Variants in EIF3E observed in about 807,000 individuals in gnomAD.
EIF3E encodes eukaryotic translation initiation factor 3 subunit E, also known as eIF-3 p48.
EIF3E carries 25 observed loss-of-function variants against 59.3 expected under a neutral mutation model. The ratio of observed to expected loss-of-function variants is 0.42; its 90% CI spans 0.31 to 0.59. The LOEUF is 0.59. Ranked by LOEUF, EIF3E falls within the 20% of genes least tolerant of loss-of-function variation. EIF3E has a pLI of 0.15. For missense variants in EIF3E, 317 were observed against 534.3 expected (o/e 0.59, Z 4.01); for synonymous variants, 176 against 170.2 (o/e 1.03, Z -0.26).
chr8:108,228,931 C>G, intron 6 of EIF3E, 139 bp downstream of exon 6: 2 of 900,964 alleles, frequency 2.2e-6, no homozygotes, highest in Non-Finnish European at 3.1e-6. Context: ...CACTAATCCA[C>G]TATGATTTTT....
chr8:108,227,893 A>G (rs1815543872), intron 7 of EIF3E: 1 of 158,630 alleles, frequency 6.3e-6, no homozygotes, highest in Non-Finnish European at 1.4e-5. Context: ...AGATGCACGT[A>G]TTCCTTTCAA....
At chr8:108,243,692 AGTG>A (rs1248459792) in intron 1 of EIF3E, among the ~76,000 whole-genome samples, 1 of 150,168 alleles carries the variant, frequency 6.7e-6, no homozygotes, top group Non-Finnish European at 1.5e-5. Flanking sequence ...TATTAATCTG[AGTG>A]GTGGTCACAT....
chr8:108,214,677 C>G lies in EIF3E; in HGVS notation c.991G>C (p.Asp331His). Reference sequence around the variant, plus strand: ...AAGAGACGGGCATTTTCAATGAAATCCTCAAGACAAGCCACCAAGAAGAAG... The same window carrying G: ...AAGAGACGGGCATTTTCAATGAAATGCTCAAGACAAGCCACCAAGAAGAAG... ...NDFFLVACLEDFIENARLFIF... is the reference protein window; with the variant it reads ...NDFFLVACLEHFIENARLFIF... The change falls in exon 10 of 13, where the codon GAT becomes CAT. Residue 331 changes from aspartate to histidine, a missense_variant. Physicochemically the swap from Asp to His is moderately conservative, Grantham distance 81. Coordinates refer to ENST00000220849, the MANE Select transcript of EIF3E (RefSeq NM_001568.3). The G allele has an allele frequency of 6.2e-7, 1 of 1,611,256 alleles. No homozygotes were observed.
intron 10 of EIF3E, among the ~76,000 whole-genome samples, chr8:108,206,889 T>A (rs1472136457): frequency 6.6e-6 from 1 of 152,198 alleles, no homozygotes; most frequent in African/African-American, 2.4e-5. Context: ...ATTCTAAGAC[T>A]CATTCCAACA....
chr8:108,223,002 T>G (rs1445655754), intron 7 of EIF3E, among the ~76,000 whole-genome samples: 1 of 152,120 alleles, frequency 6.6e-6, no homozygotes, highest in African/African-American at 2.4e-5. Context: ...ACACAGAAAA[T>G]TTAATAATCA....
chr8:108,223,650 T>C (rs978337199), intron 7 of EIF3E, among the ~76,000 whole-genome samples: 1 of 152,204 alleles, frequency 6.6e-6, no homozygotes, highest in African/African-American at 2.4e-5. Flanking sequence ...GGATTCTTTT[T>C]CCTAACAGCA....
intron 10 of EIF3E, among the ~76,000 whole-genome samples, chr8:108,204,738 TATATATATAG>T (rs1388985013): frequency 9.9e-6 from 1 of 101,382 alleles, no homozygotes; most frequent in Non-Finnish European, 2.0e-5. Flanking sequence ...TATGTATATA[TATATATATAG>T]AGAGAGAGAG....
At chr8:108,244,130 A>T (rs1336908837) in intron 1 of EIF3E, among the ~76,000 whole-genome samples, 1 of 152,240 alleles carries the variant, frequency 6.6e-6, no homozygotes, top group Admixed American at 6.5e-5. Flanking sequence ...TTTTTTAAAA[A>T]TTTTGAAACA....
intron 9 of EIF3E, among the ~76,000 whole-genome samples, chr8:108,215,567 G>A (rs1354575084): frequency 1.3e-5 from 2 of 152,068 alleles, no homozygotes; most frequent in African/African-American, 4.8e-5. Context: ...GCAGTGAGCC[G>A]GGATCATGCC....
Position 108,201,599 on chromosome 8 carries a change from CA to C in EIF3E, c.*285del. The C allele has an allele frequency of 4.4e-6, 1 of 226,136 alleles. No individual in the cohort carries two copies. The highest frequency in any genetic ancestry group is 8.7e-6 in the Non-Finnish European group (1 of 115,286). The allele number at this position is 226,136 out of a possible 1,614,324, so 14.0% of individuals were successfully genotyped here. On this transcript the variant is annotated 3_prime_UTR_variant, in exon 13 of 13. Transcript: ENST00000220849. ...GTTTTGATACTGTACCATAGTAAGA[CA>C]AAGTGAAAAAATTGAGGGAAACAGG...
Position 108,235,111 on chromosome 8 carries a change from A to C in EIF3E, c.367-9T>G, listed in dbSNP as rs769861535. On this transcript the variant is annotated splice_polypyrimidine_tract_variant and intron_variant, in intron 4 of 12. Coordinates refer to ENST00000220849, the MANE Select transcript of EIF3E (RefSeq NM_001568.3). Reference sequence around the variant, plus strand: ...AAATATTCCTGCCTAAACTAAAAAGAAAAAAAAAAGATTAAGTTCTCTTTA... The same window carrying C: ...AAATATTCCTGCCTAAACTAAAAAGCAAAAAAAAAGATTAAGTTCTCTTTA... 3 of 1,319,376 alleles carry C rather than the reference A, an allele frequency of 2.3e-6. No homozygotes were observed. The highest frequency in any genetic ancestry group is 1.9e-4 in the Middle Eastern group (1 of 5,140). 81.7% of individuals were successfully genotyped at this position (1,319,376 alleles called of 1,614,324 possible).
chr8:108,246,967 A>G (rs1815960308), intron 1 of EIF3E, among the ~76,000 whole-genome samples: 1 of 152,214 alleles, frequency 6.6e-6, no homozygotes, highest in African/African-American at 2.4e-5. Context: ...GTCAAAACTT[A>G]TAACGGATTT....
intron 12 of EIF3E, among the ~76,000 whole-genome samples, chr8:108,202,634 C>T (rs182871203): frequency 5.6e-4 from 85 of 152,134 alleles, no homozygotes; most frequent in African/African-American, 1.9e-3. Flanking sequence ...AAAGAATACA[C>T]ATTTCGAACA....
chr8:108,217,799 CA>C (rs1439716299), intron 7 of EIF3E, among the ~76,000 whole-genome samples: 1 of 152,152 alleles, frequency 6.6e-6, no homozygotes, highest in Non-Finnish European at 1.5e-5. Flanking sequence ...CGATGACTTT[CA>C]TTCACCCATT....
At chr8:108,209,345 GGA>G (rs1380150600) in intron 10 of EIF3E, among the ~76,000 whole-genome samples, 1 of 151,796 alleles carries the variant, frequency 6.6e-6, no homozygotes, top group African/African-American at 2.4e-5. Flanking sequence ...TATTTCATTT[GGA>G]GAGTTATCAG....
chr8:108,204,953 G>A (rs1815072140), intron 10 of EIF3E, among the ~76,000 whole-genome samples: 1 of 151,980 alleles, frequency 6.6e-6, no homozygotes, highest in South Asian at 2.1e-4. Context: ...TAATTTATCA[G>A]AATTAAAAAC....
intron 5 of EIF3E, among the ~76,000 whole-genome samples, chr8:108,232,437 C>A (rs28415766): frequency 2.0e-4 from 31 of 152,156 alleles, no homozygotes; most frequent in African/African-American, 7.5e-4. Flanking sequence ...AGTTCCAGCA[C>A]AAGATTTGTT....
intron 5 of EIF3E, chr8:108,233,715 C>T (rs758609197): frequency 6.5e-5 from 24 of 369,144 alleles, no homozygotes; most frequent in South Asian, 4.9e-4. Flanking sequence ...AGTGGTGATG[C>T]ACACTTGTAG....
chr8:108,228,110 A>G, intron 7 of EIF3E, 157 bp downstream of exon 7: 1 of 747,322 alleles, frequency 1.3e-6, no homozygotes. Flanking sequence ...TAAGAGTCAC[A>G]TGCATACTTT....
Sources: gnomAD v4.1 joint callset for allele counts (sites outside exome capture counted in the v4.1 genomes callset) on GRCh38, gnomAD v4.1.1 for gene constraint, MANE v1.5 for transcripts, NCBI Gene and HGNC (gene_info 2026-07-23, HGNC 2026-07-21) for gene names.